Variants in ITFG1 observed in about 807,000 individuals in gnomAD.
ITFG1 encodes the protein T-cell immunomodulatory protein.
A neutral mutation model predicts 81.8 loss-of-function variants in ITFG1; 34 were observed. That is an observed-to-expected ratio of 0.42 (90% CI 0.32 to 0.55). The LOEUF (loss-of-function observed/expected upper bound fraction) is 0.55. Ranked by LOEUF, ITFG1 falls within the 20% of genes least tolerant of loss-of-function variation. The pLI is 0.17. For missense variants in ITFG1, 672 were observed against 755.4 expected (o/e 0.89, Z 1.29); for synonymous variants, 285 against 270.6 (o/e 1.05, Z -0.52).
At chr16:47,213,602 A>T (rs1002989785) in intron 14 of ITFG1, among the ~76,000 whole-genome samples, 1 of 152,146 alleles carries the variant, frequency 6.6e-6, no homozygotes, top group Non-Finnish European at 1.5e-5. Context: ...TAGAATTGCT[A>T]TGTCACGGGA....
chr16:47,328,057 A>G (rs1967580778), intron 8 of ITFG1, among the ~76,000 whole-genome samples: 2 of 152,212 alleles, frequency 1.3e-5, no homozygotes, highest in African/African-American at 4.8e-5. Context: ...AATAGCAAAG[A>G]CTTGGAACCA....
At chr16:47,269,699 T>A (rs1966316234) in intron 10 of ITFG1, among the ~76,000 whole-genome samples, 1 of 152,184 alleles carries the variant, frequency 6.6e-6, no homozygotes, top group Non-Finnish European at 1.5e-5. Context: ...ATGTCATTTA[T>A]CCCCAAATTG....
intron 10 of ITFG1, among the ~76,000 whole-genome samples, chr16:47,264,619 G>A (rs936567824): frequency 6.6e-6 from 1 of 150,992 alleles, no homozygotes; most frequent in Non-Finnish European, 1.5e-5. Context: ...TTTTCTTTGG[G>A]AACTTGTACG....
At chr16:47,365,274 T>C (rs1401034785) in intron 8 of ITFG1, among the ~76,000 whole-genome samples, 1 of 152,194 alleles carries the variant, frequency 6.6e-6, no homozygotes, top group Non-Finnish European at 1.5e-5. Flanking sequence ...AAGAGCCACA[T>C]ATGCTTTGGA....
At chr16:47,238,896 A>C (rs1965903514) in intron 12 of ITFG1, among the ~76,000 whole-genome samples, 2 of 152,208 alleles carry the variant, frequency 1.3e-5, no homozygotes, top group African/African-American at 4.8e-5. Flanking sequence ...GAATGTTGCT[A>C]TCCCCCCAAA....
chr16:47,324,136 A>G (rs1596894723), intron 8 of ITFG1, among the ~76,000 whole-genome samples: 1 of 152,200 alleles, frequency 6.6e-6, no homozygotes, highest in African/African-American at 2.4e-5. Context: ...ATTTTGGGAT[A>G]TATCTTTAAA....
At chr16:47,377,552 T>G (rs974946169) in intron 6 of ITFG1, among the ~76,000 whole-genome samples, 4 of 152,168 alleles carry the variant, frequency 2.6e-5, no homozygotes, top group African/African-American at 9.7e-5. Flanking sequence ...TTTTTTGACC[T>G]CTGTTTGCCT....
rs553970684 is a variant in ITFG1 at position 47,397,637 on chromosome 16, A to G, written c.656-21697T>C. The stretch of plus-strand genomic sequence containing the variant: ...TATGGTGCTAAACTAAACATCCTAC[A>G]ATGCATATGGCAGCTCCCCACAACA... On this transcript the variant is annotated intron_variant, in intron 6 of 17. Transcript: ENST00000320640. Among the ~76,000 whole-genome samples, 5 of 152,304 alleles carry G rather than the reference A, an allele frequency of 3.3e-5. No homozygotes were observed. In the East Asian group the frequency reaches 9.7e-4, roughly 29 times the overall value.
intron 10 of ITFG1, among the ~76,000 whole-genome samples, chr16:47,294,044 G>A (rs1245348622): frequency 1.3e-5 from 2 of 152,032 alleles, no homozygotes; most frequent in African/African-American, 2.4e-5. Context: ...TTTTAAATAT[G>A]GTGAGATATA....
At chr16:47,294,120 T>C (rs1014878405) in intron 10 of ITFG1, among the ~76,000 whole-genome samples, 3 of 152,092 alleles carry the variant, frequency 2.0e-5, no homozygotes, top group Non-Finnish European at 4.4e-5. Flanking sequence ...ACTGAAAAGA[T>C]TGTCCTTAGT....
At chr16:47,172,643 T>C (rs1964976111) in intron 14 of ITFG1, among the ~76,000 whole-genome samples, 1 of 152,204 alleles carries the variant, frequency 6.6e-6, no homozygotes, top group African/African-American at 2.4e-5. Context: ...ATACCCTATA[T>C]TCAATCTGCC....
chr16:47,207,830 C>T lies in ITFG1; in HGVS notation c.1453+11038G>A, dbSNP rs752487667. On this transcript the variant is annotated intron_variant, in intron 14 of 17. Transcript: ENST00000320640. ...AATGTAACTGCCTTGAGAGCAACAA[C>T]ATTATCTGGTTTGTTCAACAATATA... is the stretch of plus-strand genomic sequence containing the variant. Among the ~76,000 whole-genome samples, 15 of 119,954 alleles carry T rather than the reference C, an allele frequency of 1.3e-4. No homozygotes were observed. In the South Asian group the frequency reaches 1.7e-3, roughly 14 times the overall value. The allele number at this position is 119,954 out of a possible 152,430, so 78.7% of individuals were successfully genotyped here. A position where few individuals can be genotyped will look rare whatever the true frequency, so the allele number is the denominator to read the frequency against.
At chr16:47,374,143 G>A (rs757725546) in intron 7 of ITFG1, among the ~76,000 whole-genome samples, 9 of 152,056 alleles carry the variant, frequency 5.9e-5, no homozygotes, top group Non-Finnish European at 1.2e-4. Context: ...CTTGTATTTG[G>A]AGGTGAGTCC....
At chr16:47,263,882 A>C (rs1241167440) in intron 10 of ITFG1, among the ~76,000 whole-genome samples, 1 of 152,208 alleles carries the variant, frequency 6.6e-6, no homozygotes, top group African/African-American at 2.4e-5. Flanking sequence ...GGTTCGTAAC[A>C]GTTCAGTTCT....
At chr16:47,171,362 ACTT>A (rs1341241127) in intron 14 of ITFG1, among the ~76,000 whole-genome samples, 1 of 151,860 alleles carries the variant, frequency 6.6e-6, no homozygotes, top group Non-Finnish European at 1.5e-5. Context: ...AATCCTTTTA[ACTT>A]CTATAAGGTC....
intron 8 of ITFG1, among the ~76,000 whole-genome samples, chr16:47,332,911 G>A (rs1226627778): frequency 1.3e-5 from 2 of 152,134 alleles, no homozygotes; most frequent in South Asian, 2.1e-4. Flanking sequence ...AGCAATTTAC[G>A]AGGTTATTCA....
At chr16:47,405,894 T>C (rs1435115359) in intron 6 of ITFG1, among the ~76,000 whole-genome samples, 1 of 152,134 alleles carries the variant, frequency 6.6e-6, no homozygotes, top group Non-Finnish European at 1.5e-5. Flanking sequence ...AATAGATACT[T>C]ATAATTATGA....
intron 15 of ITFG1, 139 bp downstream of exon 15, chr16:47,162,401 T>G: frequency 1.4e-6 from 1 of 709,264 alleles, no homozygotes; most frequent in Non-Finnish European, 2.1e-6. Flanking sequence ...AATAAATTTT[T>G]CTTTATTCTT....
intron 13 of ITFG1, among the ~76,000 whole-genome samples, chr16:47,228,315 A>C (rs1363685937): frequency 6.6e-6 from 1 of 152,208 alleles, no homozygotes; most frequent in African/African-American, 2.4e-5. Context: ...AACAGTACCA[A>C]GTAAGATCAT....
Sources: gnomAD v4.1 joint callset for allele counts (sites outside exome capture counted in the v4.1 genomes callset) on GRCh38, gnomAD v4.1.1 for gene constraint, MANE v1.5 for transcripts, NCBI Gene and HGNC (gene_info 2026-07-23, HGNC 2026-07-21) for gene names.